SDAD1: variants seen among roughly 807,000 people sequenced by gnomAD.
The protein encoded by SDAD1 is SDA1 domain containing 1, also known as protein SDA1 homolog.
SDAD1 carries 79 observed loss-of-function variants against 100.3 expected under a neutral mutation model. The observed-to-expected ratio is 0.79, with a 90% CI of 0.66 to 0.95. The LOEUF (loss-of-function observed/expected upper bound fraction) is 0.95. SDAD1 is among the 40% of genes least tolerant of loss of function. The pLI, the probability that SDAD1 is intolerant of heterozygous loss-of-function variation, is 0.00. For missense variants in SDAD1, 790 were observed against 810.9 expected (o/e 0.97, Z 0.31); for synonymous variants, 267 against 271.4 (o/e 0.98, Z 0.16).
At chr4:75,974,187 T>C (rs1210544688) in intron 6 of SDAD1, 54 bp from the exon 7 acceptor site, 4 of 1,398,640 alleles carry the variant, frequency 2.9e-6, no homozygotes, top group Non-Finnish European at 4.1e-6. Flanking sequence ...CTGTATTTCA[T>C]AGCACAGACA....
At chr4:75,956,941 C>T (rs112648466) in intron 20 of SDAD1, among the ~76,000 whole-genome samples, 7 of 152,172 alleles carry the variant, frequency 4.6e-5, no homozygotes, top group African/African-American at 1.7e-4. Context: ...GAAACCTTGA[C>T]TCTACTAAAA....
intron 1 of SDAD1, among the ~76,000 whole-genome samples, chr4:75,987,386 A>C (rs933333591): frequency 3.9e-5 from 6 of 152,214 alleles, no homozygotes; most frequent in Non-Finnish European, 8.8e-5. Context: ...TTTCATATAC[A>C]TAGAATCATA....
Position 75,975,575 on chromosome 4 carries a change from C to A in SDAD1, c.578+169G>T, listed in dbSNP as rs1342696544. On this transcript the variant is annotated intron_variant, in intron 6 of 21. Transcript: ENST00000356260. ...TCAGTAGCTGCTCAAGAAATGATAA[C>A]CAATGTCATTAGTCATTTGAATTGC... Among the ~76,000 whole-genome samples, 10 of 152,004 alleles carry A rather than the reference C, an allele frequency of 6.6e-5. No homozygotes were observed. The East Asian group carries it at 1.9e-3, about 29-fold the overall frequency.
intron 3 of SDAD1, among the ~76,000 whole-genome samples, chr4:75,978,970 G>C: frequency 1.6e-5 from 1 of 63,920 alleles, no homozygotes; most frequent in Non-Finnish European, 3.2e-5. Context: ...CTGAGTGACA[G>C]ACCCTGTCTC....
At chr4:75,960,900 C>T in intron 16 of SDAD1, 128 bp downstream of exon 16, 2 of 764,566 alleles carry the variant, frequency 2.6e-6, no homozygotes, top group Non-Finnish European at 4.5e-6. Flanking sequence ...TTAAAGAATA[C>T]AACCGTGTGC....
intron 1 of SDAD1, 27 bp downstream of exon 1, chr4:75,990,725 C>T: frequency 6.2e-7 from 1 of 1,613,522 alleles, no homozygotes; most frequent in Middle Eastern, 1.6e-4. Context: ...TATCCGGCCT[C>T]TAGCGTCTGC....
At position 75,970,301 on chromosome 4, in the gene SDAD1, T is replaced by C. The variant is rs1440291158; in HGVS notation, c.883+8A>G. The C allele has an allele frequency of 1.9e-6, 3 of 1,611,306 alleles. No individual in the cohort carries two copies. Among genetic ancestry groups the C allele is most frequent in the African/African-American group, 1.3e-5 (1 of 74,846 alleles). On this transcript the variant is annotated splice_region_variant and intron_variant, in intron 10 of 21. Coordinates refer to ENST00000356260, the MANE Select transcript of SDAD1 (RefSeq NM_018115.4). Reference sequence around the variant, plus strand: ...CCAACAAGGAACTCGGACGTCATAATAACGTACCTTGGGGATCATGAATCA... The same window carrying C: ...CCAACAAGGAACTCGGACGTCATAACAACGTACCTTGGGGATCATGAATCA...
At chr4:75,986,728 CAAAA>C (rs1730917417) in intron 1 of SDAD1, among the ~76,000 whole-genome samples, 1 of 152,088 alleles carries the variant, frequency 6.6e-6, no homozygotes, top group Non-Finnish European at 1.5e-5. Flanking sequence ...CAAAACAAAA[CAAAA>C]AACACCTTTC....
chr4:75,961,788 C>T (rs1308417913), intron 14 of SDAD1, among the ~76,000 whole-genome samples: 2 of 152,126 alleles, frequency 1.3e-5, no homozygotes, highest in Non-Finnish European at 2.9e-5. Context: ...AAGAGTGCTT[C>T]AATAATAAAT....
At chr4:75,983,796 G>A (rs1470506851) in intron 1 of SDAD1, among the ~76,000 whole-genome samples, 1 of 152,220 alleles carries the variant, frequency 6.6e-6, no homozygotes, top group Non-Finnish European at 1.5e-5. Context: ...AGTTTAATTA[G>A]ATCCCATTTG....
intron 3 of SDAD1, among the ~76,000 whole-genome samples, chr4:75,978,630 C>T (rs372746848): frequency 3.7e-4 from 57 of 152,006 alleles, no homozygotes; most frequent in African/African-American, 1.3e-3. Flanking sequence ...GCAGGAAAAA[C>T]GGTAAGAATG....
At chr4:75,955,485 C>G (rs530287928) in intron 21 of SDAD1, among the ~76,000 whole-genome samples, 1 of 152,068 alleles carries the variant, frequency 6.6e-6, no homozygotes, top group Non-Finnish European at 1.5e-5. Context: ...CCTGGGAGGT[C>G]GAGGCTGCAG....
chr4:75,950,712 C>A lies in SDAD1; in HGVS notation c.*38G>T. 6.8e-7 allele frequency: 1 copy of A among 1,469,234 alleles called. No individual in the cohort carries two copies. Among genetic ancestry groups the A allele is most frequent in the Non-Finnish European group, 9.5e-7 (1 of 1,057,610 alleles). The allele number at this position is 1,469,234 out of a possible 1,614,324, so 91.0% of individuals were successfully genotyped here. On this transcript the variant is annotated 3_prime_UTR_variant, in exon 22 of 22. Coordinates refer to ENST00000356260, the MANE Select transcript of SDAD1 (RefSeq NM_018115.4). ...CCAATTTTCAGAGCAAGGACACAAACTTAGCATTCTTCTAGGAATGGAAAA... is the reference window on the plus strand; with the variant it reads ...CCAATTTTCAGAGCAAGGACACAAAATTAGCATTCTTCTAGGAATGGAAAA...
intron 1 of SDAD1, among the ~76,000 whole-genome samples, chr4:75,983,333 G>C (rs1730662502): frequency 6.6e-6 from 1 of 152,158 alleles, no homozygotes; most frequent in East Asian, 1.9e-4. Context: ...GGGTCAAATG[G>C]TATTTCTGGT....
chr4:75,981,247 A>C (rs763380323), intron 3 of SDAD1, 125 bp downstream of exon 3: 54 of 836,666 alleles, frequency 6.5e-5, no homozygotes, highest in Non-Finnish European at 8.7e-5. Flanking sequence ...TTTTTAGGAA[A>C]GGATAATACA....
rs777859274 is a variant in SDAD1, at chr4:75,970,346, A to G, written c.846T>C (p.Phe282=). Residue 282 remains phenylalanine (F), a synonymous_variant, in exon 10 of 22, where the codon TTT becomes TTC. Transcript: ENST00000356260. The part of the protein sequence containing the change: ...KQKKKKKPEV[F]NFSAIHLIHD... Reference sequence around the variant, plus strand: ...GAATCAAGTGAATGGCTGAAAAGTTAAACACCTCTGGTTTTTTCTTCTTTT... The same window carrying G: ...GAATCAAGTGAATGGCTGAAAAGTTGAACACCTCTGGTTTTTTCTTCTTTT... The G allele has an allele frequency of 4.3e-6, 7 of 1,613,996 alleles. No homozygotes were observed. In the South Asian group the frequency reaches 7.7e-5, roughly 18 times the overall value.
chr4:75,979,402 T>C (rs984310793), intron 3 of SDAD1, among the ~76,000 whole-genome samples: 2 of 152,132 alleles, frequency 1.3e-5, no homozygotes, highest in Non-Finnish European at 2.9e-5. Flanking sequence ...TGTTCAATGC[T>C]TCCTCTAAAG....
At chr4:75,976,687 T>G (rs1295987269) in intron 4 of SDAD1, among the ~76,000 whole-genome samples, 2 of 152,106 alleles carry the variant, frequency 1.3e-5, no homozygotes, top group Non-Finnish European at 2.9e-5. Flanking sequence ...AAACACTGAA[T>G]TGTACACTTT....
intron 14 of SDAD1, among the ~76,000 whole-genome samples, chr4:75,963,824 T>C (rs539145212): frequency 2.0e-5 from 3 of 152,184 alleles, no homozygotes; most frequent in Non-Finnish European, 4.4e-5. Flanking sequence ...ATTTATTTTA[T>C]TAGCAGTACA....
Sources: gnomAD v4.1 joint callset for allele counts (sites outside exome capture counted in the v4.1 genomes callset) on GRCh38, gnomAD v4.1.1 for gene constraint, MANE v1.5 for transcripts, NCBI Gene and HGNC (gene_info 2026-07-23, HGNC 2026-07-21) for gene names.